Variants in TSHZ2 observed in about 807,000 individuals in gnomAD.
The protein encoded by TSHZ2 is teashirt homolog 2.
In TSHZ2, 21 loss-of-function variants were observed where a neutral mutation model predicts 74.4. That is an observed-to-expected ratio of 0.28 (90% CI 0.20 to 0.41). TSHZ2 has a LOEUF of 0.41. Ranked by LOEUF, TSHZ2 falls within the 10% of genes least tolerant of loss-of-function variation. The pLI, the probability that TSHZ2 is intolerant of heterozygous loss-of-function variation, is 1.00. For missense variants in TSHZ2, 1,244 were observed against 1,293.5 expected, an observed-to-expected ratio of 0.96 and a Z score of 0.59; for synonymous variants, 540 against 515.3, an observed-to-expected ratio of 1.05 and a Z score of -0.65.
chr20:53,148,768 C>G (rs930684542), intron 1 of TSHZ2, among the ~76,000 whole-genome samples: 3 of 152,074 alleles, frequency 2.0e-5, no homozygotes, highest in African/African-American at 7.2e-5. Context: ...AGGGTACAGT[C>G]TTTGTATGGA....
At chr20:53,469,045 T>TTATATATATATATA (rs143724013) in intron 2 of TSHZ2, among the ~76,000 whole-genome samples, 1,151 of 48,728 alleles carry the variant, frequency 0.024, 107 homozygotes, top group Non-Finnish European at 0.033. Flanking sequence ...AATCGATATT[T>TTATATATATATATA]TATATATATA....
intron 1 of TSHZ2, among the ~76,000 whole-genome samples, chr20:53,013,133 T>C (rs994995920): frequency 2.0e-5 from 3 of 152,206 alleles, no homozygotes; most frequent in African/African-American, 7.2e-5. Context: ...GTAATATTTA[T>C]AGATCACTTC....
intron 1 of TSHZ2, among the ~76,000 whole-genome samples, chr20:53,131,043 C>A (rs1327778688): frequency 6.6e-6 from 1 of 152,162 alleles, no homozygotes. Flanking sequence ...ATGATGATTT[C>A]ATTTTATGTA....
At chr20:53,463,091 G>A (rs1008305603) in intron 2 of TSHZ2, among the ~76,000 whole-genome samples, 1 of 152,150 alleles carries the variant, frequency 6.6e-6, no homozygotes, top group African/African-American at 2.4e-5. Context: ...ACAGAGCCCA[G>A]GGACTCAAAG....
intron 1 of TSHZ2, among the ~76,000 whole-genome samples, chr20:53,201,936 G>A (rs771222867): frequency 2.0e-5 from 3 of 152,218 alleles, no homozygotes; most frequent in Non-Finnish European, 2.9e-5. Flanking sequence ...GGCAGAGAAG[G>A]CCAGAAGTGA....
chr20:53,035,525 T>C (rs900540700), intron 1 of TSHZ2, among the ~76,000 whole-genome samples: 7 of 152,200 alleles, frequency 4.6e-5, no homozygotes, highest in African/African-American at 1.7e-4. Context: ...AAGATAGGAA[T>C]CAAGAAATAT....
chr20:53,297,838 T>A (rs1991408086), intron 2 of TSHZ2, among the ~76,000 whole-genome samples: 1 of 152,240 alleles, frequency 6.6e-6, no homozygotes, highest in Admixed American at 6.5e-5. Context: ...ACTAGATAAA[T>A]ATTGCCTGTA....
chr20:53,218,485 A>T (rs907389428), intron 1 of TSHZ2, among the ~76,000 whole-genome samples: 1 of 152,254 alleles, frequency 6.6e-6, no homozygotes, highest in African/African-American at 2.4e-5. Context: ...GTGATTTCGC[A>T]TAAAAATTCA....
At chr20:53,355,038 T>C (rs1033521127) in intron 2 of TSHZ2, among the ~76,000 whole-genome samples, 1 of 152,354 alleles carries the variant, frequency 6.6e-6, no homozygotes, top group South Asian at 2.1e-4. Flanking sequence ...ATAGAATATG[T>C]ATTCATTTAT....
intron 2 of TSHZ2, among the ~76,000 whole-genome samples, chr20:53,274,032 G>A (rs1990891612): frequency 6.6e-6 from 1 of 152,164 alleles, no homozygotes; most frequent in Non-Finnish European, 1.5e-5. Flanking sequence ...TGTAATCCCA[G>A]CACTTTGGGA....
intron 2 of TSHZ2, among the ~76,000 whole-genome samples, chr20:53,324,081 C>T (rs1979394836): frequency 6.6e-6 from 1 of 152,156 alleles, no homozygotes; most frequent in Non-Finnish European, 1.5e-5. Context: ...GACGGCCATC[C>T]CTCAAACTGG....
rs146627402 is a variant in TSHZ2, at chr20:53,256,564, C to T, written c.*1C>T. 769 of 1,575,824 alleles carry T rather than the reference C, an allele frequency of 4.9e-4. 4 individuals carry two copies. The African/African-American group carries it at 8.8e-3, about 18-fold the overall frequency. On this transcript the variant is annotated 3_prime_UTR_variant, in exon 2 of 3. Transcript: ENST00000371497. The surrounding 1 kb of genome is among the most constrained non-coding windows in gnomAD (Gnocchi z 4.3). ...TGTAACAGACGTGGATGAAGAATAG[C>T]TCTGCAGGTATGGGTTTGCTCTGAG...
intron 1 of TSHZ2, among the ~76,000 whole-genome samples, chr20:53,143,908 C>G (rs913141680): frequency 1.3e-5 from 2 of 151,978 alleles, no homozygotes; most frequent in Admixed American, 6.6e-5. Flanking sequence ...AAACCAGTCT[C>G]CCTGAAAACT....
chr20:53,218,777 AAGAG>A (rs751666574), intron 1 of TSHZ2, among the ~76,000 whole-genome samples: 26 of 152,372 alleles, frequency 1.7e-4, no homozygotes, highest in South Asian at 1.0e-3. Flanking sequence ...CGAGAAAAAT[AAGAG>A]AGAGCATCTT....
At chr20:53,322,386 G>T (rs761385032) in intron 2 of TSHZ2, among the ~76,000 whole-genome samples, 1 of 152,036 alleles carries the variant, frequency 6.6e-6, no homozygotes, top group Non-Finnish European at 1.5e-5. Context: ...GGTGGCAGGC[G>T]CCTGTAATCC....
intron 1 of TSHZ2, among the ~76,000 whole-genome samples, chr20:53,226,174 A>G (rs1989683747): frequency 1.3e-5 from 2 of 150,696 alleles, no homozygotes; most frequent in Admixed American, 1.3e-4. Context: ...ACACAAACAC[A>G]ATGCTAACTC....
intron 2 of TSHZ2, among the ~76,000 whole-genome samples, chr20:53,358,583 G>C (rs555142837): frequency 6.6e-6 from 1 of 151,922 alleles, no homozygotes; most frequent in South Asian, 2.1e-4. Flanking sequence ...GGCCTCAGTT[G>C]ATCAACCCAC....
chr20:53,034,626 G>A (rs1454062719), intron 1 of TSHZ2, among the ~76,000 whole-genome samples: 1 of 152,240 alleles, frequency 6.6e-6, no homozygotes, highest in Non-Finnish European at 1.5e-5. Context: ...GCTCCTTTGA[G>A]GAAGGAACAT....
intron 2 of TSHZ2, among the ~76,000 whole-genome samples, chr20:53,382,900 G>A (rs181838762): frequency 8.5e-5 from 13 of 152,238 alleles, no homozygotes; most frequent in South Asian, 2.1e-4. Context: ...TCCTCTCTGC[G>A]TGTTTCCTTA....
Sources: allele counts gnomAD v4.1 joint callset (sites outside exome capture counted in the v4.1 genomes callset), GRCh38; gene constraint gnomAD v4.1.1; non-coding constraint Gnocchi (gnomAD v3.1); transcripts MANE v1.5; gene names NCBI Gene and HGNC (gene_info 2026-07-23, HGNC 2026-07-21).